Variants in PPARG observed in about 807,000 individuals in gnomAD.
PPARG encodes peroxisome proliferator-activated receptor gamma.
In PPARG, 17 loss-of-function variants were observed where a neutral mutation model predicts 39.2. That is an observed-to-expected ratio of 0.43 (90% confidence interval 0.30 to 0.65). PPARG has a LOEUF of 0.65. Among genes scored for constraint, PPARG ranks in the 30% least tolerant of loss-of-function variants. PPARG has a pLI of 0.13. For synonymous variants in PPARG, 223 were observed against 215.7 expected, an observed-to-expected ratio of 1.03 and a Z score of -0.30; for missense variants, 406 against 585.9, an observed-to-expected ratio of 0.69 and a Z score of 3.17.
At chr3:12,288,224 G>T (rs1287231695), upstream of PPARG, among the ~76,000 whole-genome samples, 2 of 151,678 alleles carry the variant, frequency 1.3e-5, no homozygotes, top group Non-Finnish European at 2.9e-5. Context: ...GTCATGGTCC[G>T]GCAGGACCCG....
chr3:12,424,470 A>G (rs2051368281), intron 7 of PPARG, among the ~76,000 whole-genome samples: 1 of 152,154 alleles, frequency 6.6e-6, no homozygotes, highest in Admixed American at 6.5e-5. Context: ...GTCCTGGAAG[A>G]GGCTCAGTCG....
chr3:12,291,377 G>A (rs1272655206), intron 1 of PPARG, among the ~76,000 whole-genome samples: 1 of 152,300 alleles, frequency 6.6e-6, no homozygotes, highest in Non-Finnish European at 1.5e-5. Flanking sequence ...TCTTGCAAGT[G>A]TAGATATCCC....
intron 2 of PPARG, among the ~76,000 whole-genome samples, chr3:12,342,047 A>G (rs2048198133): frequency 6.6e-6 from 1 of 152,210 alleles, no homozygotes; most frequent in Non-Finnish European, 1.5e-5. Context: ...TCACCATTCT[A>G]ACTTAGTGGT....
intron 2 of PPARG, among the ~76,000 whole-genome samples, chr3:12,320,216 A>G (rs930868435): frequency 3.3e-5 from 5 of 152,188 alleles, no homozygotes; most frequent in Admixed American, 3.3e-4. Context: ...ATGTATATAT[A>G]CGTGCATATA....
In PPARG at chr3:12,371,477, A is replaced by T. The variant is rs187313662; in HGVS notation, c.-8-8227A>T. Reference sequence around the variant, plus strand: ...TCAGAGTTCATGACTTTTGTTAGAAACAAATTCTGTTACAGATTTAGTTCT... The same window carrying T: ...TCAGAGTTCATGACTTTTGTTAGAATCAAATTCTGTTACAGATTTAGTTCT... On this transcript the variant is annotated intron_variant, in intron 2 of 7. Coordinates refer to ENST00000651735, the MANE Select transcript of PPARG (RefSeq NM_138711.6). Among the ~76,000 whole-genome samples the T allele has an allele frequency of 3.2e-3, 495 of 152,348 alleles. 2 individuals are homozygous for T. The highest frequency in any genetic ancestry group is 0.011 in the African/African-American group (465 of 41,582).
chr3:12,324,165 G>A (rs1361276473), intron 2 of PPARG, among the ~76,000 whole-genome samples: 2 of 152,018 alleles, frequency 1.3e-5, no homozygotes, highest in Non-Finnish European at 2.9e-5. Flanking sequence ...TGTAATCCCC[G>A]TTACTTGGGA....
chr3:12,423,331 C>T (rs1026493970), intron 7 of PPARG, among the ~76,000 whole-genome samples: 9 of 152,188 alleles, frequency 5.9e-5, no homozygotes, highest in African/African-American at 4.8e-5. Context: ...GCAGCTGTCA[C>T]GGCAGAACAC....
chr3:12,394,949 C>T (rs181511404), intron 5 of PPARG, among the ~76,000 whole-genome samples: 11 of 152,254 alleles, frequency 7.2e-5, no homozygotes, highest in African/African-American at 2.2e-4. Context: ...AAAACATGAA[C>T]GTCCCCCAAA....
intron 1 of PPARG, among the ~76,000 whole-genome samples, chr3:12,299,308 C>T (rs1297375974): frequency 6.6e-6 from 1 of 152,016 alleles, no homozygotes; most frequent in Admixed American, 6.6e-5. Context: ...ATGGGAATGA[C>T]GGTGACTAAG....
chr3:12,334,494 G>A (rs1402515043), intron 2 of PPARG, among the ~76,000 whole-genome samples: 1 of 152,036 alleles, frequency 6.6e-6, no homozygotes, highest in Non-Finnish European at 1.5e-5. Context: ...GCCTCCCAAA[G>A]TGTTGGGATT....
At chr3:12,302,738 GAGA>G (rs951929424) in intron 1 of PPARG, among the ~76,000 whole-genome samples, 3 of 152,188 alleles carry the variant, frequency 2.0e-5, no homozygotes, top group Admixed American at 2.0e-4. Flanking sequence ...TGGAATGCAG[GAGA>G]AGGAGTGTGG....
chr3:12,296,432 C>T (rs1038936155), intron 1 of PPARG, among the ~76,000 whole-genome samples: 4 of 152,026 alleles, frequency 2.6e-5, no homozygotes, highest in East Asian at 1.9e-4. Context: ...CTGCTTTATA[C>T]GCTGTTTGGG....
chr3:12,379,996 C>T, intron 3 of PPARG, 65 bp downstream of exon 3: 1 of 1,341,610 alleles, frequency 7.5e-7, no homozygotes, highest in African/African-American at 1.4e-5. Context: ...CTCAGTAACC[C>T]TGTAATAAAT....
chr3:12,307,516 T>A (rs1470449660), intron 1 of PPARG, among the ~76,000 whole-genome samples: 1 of 151,802 alleles, frequency 6.6e-6, no homozygotes, highest in East Asian at 1.9e-4. Flanking sequence ...AGAGAATGAG[T>A]AGAAAGGAAC....
chr3:12,292,788 G>A (rs2046679170), intron 1 of PPARG, among the ~76,000 whole-genome samples: 1 of 152,180 alleles, frequency 6.6e-6, no homozygotes, highest in Non-Finnish European at 1.5e-5. Flanking sequence ...CGGGGTGATG[G>A]GGTGAAGAGG....
intron 2 of PPARG, among the ~76,000 whole-genome samples, chr3:12,327,801 T>TG (rs1159956520): frequency 1.3e-5 from 2 of 152,194 alleles, no homozygotes; most frequent in Non-Finnish European, 2.9e-5. Flanking sequence ...GGATGGCACT[T>TG]GCTTCTTTCA....
At chr3:12,386,100 G>T (rs1350455900) in intron 4 of PPARG, among the ~76,000 whole-genome samples, 2 of 152,256 alleles carry the variant, frequency 1.3e-5, no homozygotes, top group Admixed American at 6.5e-5. Flanking sequence ...AGAGTAAGTT[G>T]TTGAAAATAC....
chr3:12,330,962 A>G (rs2047842302), intron 2 of PPARG, among the ~76,000 whole-genome samples: 1 of 152,246 alleles, frequency 6.6e-6, no homozygotes, highest in Non-Finnish European at 1.5e-5. Flanking sequence ...AAAGGTCATT[A>G]GAAAGCCCAC....
intron 2 of PPARG, among the ~76,000 whole-genome samples, chr3:12,350,808 G>T (rs1403532503): frequency 2.0e-5 from 3 of 152,148 alleles, no homozygotes; most frequent in Non-Finnish European, 4.4e-5. Flanking sequence ...ACATCAGCTG[G>T]TGTAACATTG....
Sources: gnomAD v4.1 joint callset for allele counts (sites outside exome capture counted in the v4.1 genomes callset) on GRCh38, gnomAD v4.1.1 for gene constraint, MANE v1.5 for transcripts, NCBI Gene and HGNC (gene_info 2026-07-23, HGNC 2026-07-21) for gene names.